The following NRCAM variants were observed in gnomAD, a reference collection of about 807,000 sequenced individuals.
The protein encoded by NRCAM is neuronal cell adhesion molecule, also known as NgCAM-related cell adhesion molecule.
In NRCAM, 83 loss-of-function variants were observed where a neutral mutation model predicts 156.5. The ratio of observed to expected loss-of-function variants is 0.53; its 90% confidence interval spans 0.44 to 0.64. The LOEUF is 0.64. NRCAM is among the 30% of genes least tolerant of loss of function. The pLI is 0.00. For synonymous variants in NRCAM, 538 were observed against 563.9 expected, an observed-to-expected ratio of 0.95 and a Z score of 0.65; for missense variants, 1,417 against 1,597.3, an observed-to-expected ratio of 0.89 and a Z score of 1.92.
At chr7:108,338,929 A>C (rs771274769) in intron 2 of NRCAM, among the ~76,000 whole-genome samples, 1 of 152,192 alleles carries the variant, frequency 6.6e-6, no homozygotes, top group African/African-American at 2.4e-5. Flanking sequence ...AATGCATTCA[A>C]TCTGTAGTGG....
intron 2 of NRCAM, among the ~76,000 whole-genome samples, chr7:108,385,574 A>C (rs564728105): frequency 1.8e-4 from 28 of 152,322 alleles, no homozygotes; most frequent in Admixed American, 1.6e-3. Flanking sequence ...AGTGTCAAGG[A>C]CTATATTTAA....
chr7:108,414,576 T>A (rs1405337836), intron 1 of NRCAM, among the ~76,000 whole-genome samples: 2 of 152,174 alleles, frequency 1.3e-5, no homozygotes, highest in Non-Finnish European at 2.9e-5. Flanking sequence ...AGACTCTACC[T>A]ATGTAACAAT....
chr7:108,171,440 G>C (rs1337013992), intron 28 of NRCAM, among the ~76,000 whole-genome samples: 1 of 152,114 alleles, frequency 6.6e-6, no homozygotes, highest in Non-Finnish European at 1.5e-5. Context: ...CTACAAGTCA[G>C]CCTAAGTGGA....
At chr7:108,402,863 T>C (rs1010815156) in intron 1 of NRCAM, among the ~76,000 whole-genome samples, 3 of 152,280 alleles carry the variant, frequency 2.0e-5, no homozygotes, top group Admixed American at 6.5e-5. Context: ...GTAAGACAAA[T>C]TGATCAAACC....
chr7:108,442,262 G>C (rs1405115337), intron 1 of NRCAM, among the ~76,000 whole-genome samples: 1 of 152,146 alleles, frequency 6.6e-6, no homozygotes, highest in Non-Finnish European at 1.5e-5. Context: ...GCTGCCACGA[G>C]TCATCCATTC....
intron 28 of NRCAM, among the ~76,000 whole-genome samples, chr7:108,174,736 G>A (rs1176882191): frequency 1.3e-5 from 2 of 152,244 alleles, no homozygotes; most frequent in African/African-American, 4.8e-5. Context: ...GGATGGGTGG[G>A]ATAACACATT....
At chr7:108,330,776 T>C (rs901855894) in intron 2 of NRCAM, among the ~76,000 whole-genome samples, 1 of 152,172 alleles carries the variant, frequency 6.6e-6, no homozygotes, top group African/African-American at 2.4e-5. Flanking sequence ...ATTTGGGGTA[T>C]CTCATTTTAA....
chr7:108,376,107 G>C (rs59053453), intron 2 of NRCAM, among the ~76,000 whole-genome samples: 1 of 152,132 alleles, frequency 6.6e-6, no homozygotes, highest in African/African-American at 2.4e-5. Context: ...TTCTTTCTGG[G>C]AGTTACTTCA....
chr7:108,214,901 G>T (rs1317914224), intron 11 of NRCAM, among the ~76,000 whole-genome samples: 1 of 152,188 alleles, frequency 6.6e-6, no homozygotes, highest in Non-Finnish European at 1.5e-5. Context: ...CCATGTAGTT[G>T]TGTGGTTTTG....
intron 3 of NRCAM, among the ~76,000 whole-genome samples, chr7:108,258,984 A>G (rs760228019): frequency 3.3e-5 from 5 of 152,218 alleles, no homozygotes; most frequent in Non-Finnish European, 7.3e-5. Context: ...TCAAATTAAG[A>G]TTAATGAATA....
chr7:108,378,855 G>A (rs558316813), intron 2 of NRCAM, among the ~76,000 whole-genome samples: 28 of 151,892 alleles, frequency 1.8e-4, no homozygotes, highest in African/African-American at 4.6e-4. Context: ...AGAAAAGAAC[G>A]GAGAAAGACA....
intron 2 of NRCAM, among the ~76,000 whole-genome samples, chr7:108,342,561 G>A (rs532846212): frequency 6.6e-6 from 1 of 152,322 alleles, no homozygotes; most frequent in African/African-American, 2.4e-5. Context: ...AGGCCCTGAA[G>A]AAGGCCCTAA....
chr7:108,388,046 T>C (rs953276175), intron 2 of NRCAM, among the ~76,000 whole-genome samples: 1 of 152,244 alleles, frequency 6.6e-6, no homozygotes, highest in Non-Finnish European at 1.5e-5. Flanking sequence ...TATAGCAGCA[T>C]GATTTATAAT....
At chr7:108,373,998 T>C (rs1170537519) in intron 2 of NRCAM, among the ~76,000 whole-genome samples, 3 of 152,056 alleles carry the variant, frequency 2.0e-5, no homozygotes, top group Non-Finnish European at 2.9e-5. Flanking sequence ...AACACAGCCA[T>C]GAAACAAAAC....
Position 108,149,740 on chromosome 7 carries a change from T to G in NRCAM, c.*170A>C, listed in dbSNP as rs1430923873. 16 of 629,822 alleles carry G rather than the reference T, an allele frequency of 2.5e-5. No individual in the cohort carries two copies. The highest frequency in any genetic ancestry group is 4.4e-5 in the Non-Finnish European group (16 of 360,344). The allele number at this position is 629,822 out of a possible 1,614,324, so 39.0% of individuals were successfully genotyped here. A position where few individuals can be genotyped will look rare whatever the true frequency, so the allele number is the denominator to read the frequency against. The stretch of plus-strand genomic sequence containing the variant: ...TATGCACTTTGCATTCCAGTTCATA[T>G]TAACATATCATTTGACTGAGTTATG... On this transcript the variant is annotated 3_prime_UTR_variant, in exon 33 of 33. Transcript: ENST00000379028.
intron 32 of NRCAM, among the ~76,000 whole-genome samples, chr7:108,155,097 TATATACACAC>T (rs1340908288): frequency 1.1e-5 from 1 of 89,686 alleles, no homozygotes; most frequent in African/African-American, 6.2e-5. Flanking sequence ...CATATATATA[TATATACACAC>T]ACACACACAC....
At chr7:108,176,784 CTATCATATCG>C (rs1420530061) in intron 26 of NRCAM, 178 bp from the exon 27 acceptor site, 1 of 561,554 alleles carries the variant, frequency 1.8e-6, no homozygotes, top group Non-Finnish European at 3.1e-6. Context: ...ATGCTATGTT[CTATCATATCG>C]TATCATATCA....
chr7:108,219,972 G>A (rs1476278240), intron 11 of NRCAM, among the ~76,000 whole-genome samples: 1 of 151,894 alleles, frequency 6.6e-6, no homozygotes, highest in African/African-American at 2.4e-5. Context: ...CTCCAGAAAG[G>A]CCCTAGAACT....
In NRCAM at chr7:108,372,896, T is replaced by C. The variant is rs571577631; in HGVS notation, c.-174+26540A>G. On this transcript the variant is annotated intron_variant, in intron 2 of 32. Coordinates refer to ENST00000379028, the MANE Select transcript of NRCAM (RefSeq NM_001037132.4). ...TCAACATCTCAAAGGAATATGTGCATTCCTGTGTTTCTTGCAGCACTAATC... is the reference window on the plus strand; with the variant it reads ...TCAACATCTCAAAGGAATATGTGCACTCCTGTGTTTCTTGCAGCACTAATC... Among the ~76,000 whole-genome samples, 4 of 152,268 alleles carry C rather than the reference T, an allele frequency of 2.6e-5. No individual in the cohort carries two copies. In the South Asian group the frequency reaches 8.3e-4, roughly 32 times the overall value.
Sources: allele counts gnomAD v4.1 joint callset (sites outside exome capture counted in the v4.1 genomes callset), GRCh38; gene constraint gnomAD v4.1.1; transcripts MANE v1.5; gene names NCBI Gene and HGNC (gene_info 2026-07-23, HGNC 2026-07-21).